The following ILRUN variants were observed in gnomAD, a reference collection of about 807,000 sequenced individuals.
ILRUN encodes inflammation and lipid regulator with UBA-like and NBR1-like domains.
A neutral mutation model predicts 33.8 loss-of-function variants in ILRUN; 3 were observed. The ratio of observed to expected loss-of-function variants is 0.09; its 90% CI spans 0.04 to 0.23. The LOEUF (loss-of-function observed/expected upper bound fraction) is 0.23. Ranked by LOEUF, ILRUN falls within the 10% of genes least tolerant of loss-of-function variation. The probability of loss-of-function intolerance (pLI) is 1.00; values close to 1 mark genes in which losing one functional copy is unlikely to be tolerated. For synonymous variants in ILRUN, 124 were observed against 138.9 expected, an observed-to-expected ratio of 0.89 and a Z score of 0.75; for missense variants, 210 against 375.1, an observed-to-expected ratio of 0.56 and a Z score of 3.64.
rs200965425 is a variant in ILRUN at position 34,683,407 on chromosome 6, CAT to C, written c.158+13037_158+13038del. Among the ~76,000 whole-genome samples the C allele has an allele frequency of 9.3e-3, 1,003 of 107,452 alleles. 22 individuals carry two copies. Among genetic ancestry groups the C allele is most frequent in the African/African-American group, 0.032 (631 of 19,602 alleles). 70.5% of individuals were successfully genotyped at this position (107,452 alleles called of 152,430 possible). ...TCTGTTATATATATGCACATATATA[CAT>C]ATATATATACATATATATACATATA... On this transcript the variant is annotated intron_variant, in intron 1 of 4. Coordinates refer to ENST00000374023, the MANE Select transcript of ILRUN (RefSeq NM_024294.4).
intron 1 of ILRUN, among the ~76,000 whole-genome samples, chr6:34,695,166 G>T (rs146233384): frequency 2.0e-5 from 3 of 152,036 alleles, no homozygotes; most frequent in African/African-American, 7.2e-5. Flanking sequence ...GGGATAAAAA[G>T]TAGGCTTACA....
chr6:34,676,103 T>A (rs1446890557), intron 1 of ILRUN, among the ~76,000 whole-genome samples: 2 of 152,012 alleles, frequency 1.3e-5, no homozygotes, highest in African/African-American at 4.8e-5. Context: ...AATTTAAAAA[T>A]CAAGTTTGAG....
intron 3 of ILRUN, among the ~76,000 whole-genome samples, chr6:34,632,590 G>A (rs1762270762): frequency 7.6e-6 from 1 of 131,904 alleles, no homozygotes; most frequent in Non-Finnish European, 1.5e-5. Flanking sequence ...GTCTCGCTCT[G>A]TCACCCAGGC....
chr6:34,629,290 C>T (rs867712543), intron 3 of ILRUN, among the ~76,000 whole-genome samples: 74 of 152,240 alleles, frequency 4.9e-4, no homozygotes, highest in African/African-American at 1.5e-3. Flanking sequence ...AAACTGTGTA[C>T]TTCAAGGAAT....
intron 4 of ILRUN, among the ~76,000 whole-genome samples, chr6:34,603,433 G>C (rs941531863): frequency 5.3e-5 from 8 of 152,222 alleles, no homozygotes; most frequent in Admixed American, 3.3e-4. Flanking sequence ...AGGAGATCGA[G>C]ACCATCCCGG....
intron 3 of ILRUN, among the ~76,000 whole-genome samples, chr6:34,642,809 G>A (rs1762497920): frequency 7.6e-6 from 1 of 131,238 alleles, no homozygotes; most frequent in African/African-American, 2.9e-5. Flanking sequence ...GCAACATAGG[G>A]AGGTCCCGTC....
intron 1 of ILRUN, among the ~76,000 whole-genome samples, chr6:34,658,503 T>C (rs889149016): frequency 6.0e-5 from 9 of 150,922 alleles, no homozygotes; most frequent in Admixed American, 4.6e-4. Flanking sequence ...TTTTTTTTTT[T>C]TTTTTAAGAG....
intron 3 of ILRUN, among the ~76,000 whole-genome samples, chr6:34,621,154 ATTC>A (rs1011724592): frequency 9.9e-5 from 15 of 152,244 alleles, no homozygotes; most frequent in African/African-American, 3.1e-4. Context: ...CAAATATTTA[ATTC>A]TTCTTCTTCA....
intron 2 of ILRUN, among the ~76,000 whole-genome samples, chr6:34,653,876 CAGG>C (rs1007175343): frequency 6.7e-6 from 1 of 148,882 alleles, no homozygotes; most frequent in African/African-American, 2.5e-5. Context: ...GAGGCTGAGG[CAGG>C]AGGATCGCCT....
chr6:34,663,038 G>A (rs566266616), intron 1 of ILRUN, among the ~76,000 whole-genome samples: 10 of 152,046 alleles, frequency 6.6e-5, no homozygotes, highest in African/African-American at 2.2e-4. Flanking sequence ...AGGCTACAGT[G>A]AGCCCTAATG....
At chr6:34,672,074 C>T (rs986196280) in intron 1 of ILRUN, 2 of 151,960 alleles carry the variant, frequency 1.3e-5, no homozygotes, top group African/African-American at 4.8e-5. Flanking sequence ...ACAGTTACAC[C>T]CTATAGTCAT....
At chr6:34,663,232 C>T (rs1165668261) in intron 1 of ILRUN, among the ~76,000 whole-genome samples, 3 of 151,980 alleles carry the variant, frequency 2.0e-5, no homozygotes, top group Non-Finnish European at 4.4e-5. Context: ...GACCAGCCTG[C>T]GAAACAAAGT....
chr6:34,609,367 G>A (rs1199264360), intron 3 of ILRUN, among the ~76,000 whole-genome samples: 3 of 152,172 alleles, frequency 2.0e-5, no homozygotes, highest in African/African-American at 4.8e-5. Context: ...GTGCACGCCT[G>A]TAGTCTTGGC....
chr6:34,666,882 CA>C (rs1031555321), intron 1 of ILRUN, among the ~76,000 whole-genome samples: 1 of 152,184 alleles, frequency 6.6e-6, no homozygotes, highest in Admixed American at 6.5e-5. Flanking sequence ...GATAACCAAG[CA>C]GGTTTGAGAC....
chr6:34,680,193 A>C (rs971233117), intron 1 of ILRUN, among the ~76,000 whole-genome samples: 11 of 152,252 alleles, frequency 7.2e-5, no homozygotes, highest in Admixed American at 1.3e-4. Flanking sequence ...TTTGTAAAAA[A>C]TGAGGATGAC....
chr6:34,592,514 A>G lies in ILRUN; in HGVS notation c.862-1914T>C, dbSNP rs564436920. Among the ~76,000 whole-genome samples, 648 of 150,424 alleles carry G rather than the reference A, an allele frequency of 4.3e-3. 4 individuals are homozygous for G. The highest frequency in any genetic ancestry group is 0.015 in the African/African-American group (589 of 39,922). On this transcript the variant is annotated intron_variant, in intron 4 of 4. Coordinates refer to ENST00000374023, the MANE Select transcript of ILRUN (RefSeq NM_024294.4). This position sits in a 1 kb window ranked among gnomAD's most constrained non-coding sequence, Gnocchi z 4.0. The stretch of plus-strand genomic sequence containing the variant: ...CAGATTCCATTTTGCAAGTCCTGGT[A>G]GGGGGGGTCCCATACATCAGAGGTA...
rs867135367 is a variant in ILRUN, at chr6:34,630,793, G to A, written c.511+15808C>T. Among the ~76,000 whole-genome samples, 17 of 152,256 alleles carry A rather than the reference G, an allele frequency of 1.1e-4. No individual in the cohort carries two copies. In the South Asian group the frequency reaches 2.1e-3, roughly 19 times the overall value. On this transcript the variant is annotated intron_variant, in intron 3 of 4. Transcript: ENST00000374023. ...GCCTCCCAAATAACTGGGACTACAC[G>A]CACACATCACTGTACCTGGCTTGTT... is the stretch of plus-strand genomic sequence containing the variant.
chr6:34,657,917 G>A (rs1243425956), intron 1 of ILRUN, among the ~76,000 whole-genome samples: 1 of 152,252 alleles, frequency 6.6e-6, no homozygotes, highest in African/African-American at 2.4e-5. Flanking sequence ...CCAGCATTCA[G>A]TGCAGTCTGA....
intron 3 of ILRUN, among the ~76,000 whole-genome samples, chr6:34,636,659 C>T (rs973254719): frequency 6.6e-6 from 1 of 152,078 alleles, no homozygotes; most frequent in Non-Finnish European, 1.5e-5. Context: ...AAAAACTAAG[C>T]TATCAGATAA....
Sources: allele counts gnomAD v4.1 joint callset (sites outside exome capture counted in the v4.1 genomes callset), GRCh38; gene constraint gnomAD v4.1.1; non-coding constraint Gnocchi (gnomAD v3.1); transcripts MANE v1.5; gene names NCBI Gene and HGNC (gene_info 2026-07-23, HGNC 2026-07-21).